CROCC: variants seen among roughly 807,000 people sequenced by gnomAD.
The protein encoded by CROCC is rootletin.
A neutral mutation model predicts 245.2 loss-of-function variants in CROCC; 180 were observed. That is an observed-to-expected ratio of 0.73 (90% CI 0.65 to 0.83). The LOEUF (loss-of-function observed/expected upper bound fraction) is 0.83, where lower values mean the gene tolerates loss of function less well. Ranked by LOEUF, CROCC falls within the 40% of genes least tolerant of loss-of-function variation. The pLI is 0.00. For synonymous variants in CROCC, 1,205 were observed against 1,241.6 expected (o/e 0.97, Z 0.62); for missense variants, 2,688 against 2,779.4 (o/e 0.97, Z 0.74).
rs781405738 is a variant in CROCC, at chr1:16,922,667, T to C, written c.65T>C (p.Leu22Pro). 4 of 1,606,870 alleles carry C rather than the reference T, an allele frequency of 2.5e-6. No individual in the cohort carries two copies. The highest frequency in any genetic ancestry group is 1.3e-5 in the African/African-American group (1 of 74,908). Reference sequence around the variant, plus strand: ...ACCCTCTCGCTTTTCCCACAGACACTGGAGAGCAGCGTCCTGTGCCAGGAG... The same window carrying C: ...ACCCTCTCGCTTTTCCCACAGACACCGGAGAGCAGCGTCCTGTGCCAGGAG... ...ELTLETVIQT[L>P]ESSVLCQEKG... is the part of the protein sequence containing the mutation. Residue 22 changes from leucine (L) to proline (P), a missense_variant, in exon 2 of 37, where the codon CTG (leucine) becomes CCG (proline). Transcript: ENST00000375541.
Position 16,969,864 on chromosome 1 carries a change from T to TG in CROCC, c.5382dup (p.Arg1795AlafsTer6). The TG allele has an allele frequency of 6.2e-7, 1 of 1,612,176 alleles. No individual in the cohort carries two copies. Among genetic ancestry groups the TG allele is most frequent in the Non-Finnish European group, 8.5e-7 (1 of 1,179,190 alleles). On this transcript the variant is annotated frameshift_variant, in exon 33 of 37. Transcript: ENST00000375541. LOFTEE classifies it high-confidence loss of function. ...TCCCTGGGCGAGCAGGTGCAGACGTTGCGAGGCGAGGTGGCTGACCTGGAA... is the reference window on the plus strand; with the variant it reads ...TCCCTGGGCGAGCAGGTGCAGACGTTGGCGAGGCGAGGTGGCTGACCTGGAA...
rs528054942 is a variant in CROCC at position 16,970,793 on chromosome 1, C to G, written c.5784+26C>G. The G allele has an allele frequency of 2.4e-5, 37 of 1,542,246 alleles. No individual in the cohort carries two copies. In the African/African-American group the frequency reaches 4.4e-4, roughly 18 times the overall value. Reference sequence around the variant, plus strand: ...GTCTGACCCCACCCAGTCCGGGACCCCAACTTCATCCCTAGTATGAGTGCT... The same window carrying G: ...GTCTGACCCCACCCAGTCCGGGACCGCAACTTCATCCCTAGTATGAGTGCT... On this transcript the variant is annotated intron_variant, in intron 35 of 36. Coordinates refer to ENST00000375541, the MANE Select transcript of CROCC (RefSeq NM_014675.5).
intron 8 of CROCC, among the ~76,000 whole-genome samples, chr1:16,935,255 TCA>T (rs377043746): frequency 1.3e-5 from 2 of 152,136 alleles, no homozygotes; most frequent in Admixed American, 6.5e-5. Flanking sequence ...ATAAAGCAGA[TCA>T]CACACACACA....
At chr1:16,918,875 T>C (rs570847129), upstream of CROCC, among the ~76,000 whole-genome samples, 40 of 152,224 alleles carry the variant, frequency 2.6e-4, no homozygotes, top group Non-Finnish European at 4.6e-4. Flanking sequence ...TAGCTGGGAC[T>C]ACAGGCACCC....
At chr1:16,927,699 G>A (rs1475269047) in intron 3 of CROCC, among the ~76,000 whole-genome samples, 6 of 152,394 alleles carry the variant, frequency 3.9e-5, no homozygotes, top group African/African-American at 1.4e-4. Flanking sequence ...ACCAACATCA[G>A]TGCACAGCCT....
chr1:16,948,000 G>C (rs1260079687), intron 17 of CROCC, among the ~76,000 whole-genome samples: 1 of 152,240 alleles, frequency 6.6e-6, no homozygotes, highest in Non-Finnish European at 1.5e-5. Flanking sequence ...CACCACGCCC[G>C]GCTAATTTTT....
In CROCC at chr1:16,961,295, C is replaced by A. The variant is rs542390338; in HGVS notation, c.4405+165C>A. On this transcript the variant is annotated intron_variant, in intron 27 of 36. Transcript: ENST00000375541. ...TCTTAGCCCCGTCCCCTCACCGAGA[C>A]CCCTCCCTTCACTGATCTGTGCTTC... is the stretch of plus-strand genomic sequence containing the variant. 1.0e-3 allele frequency among the ~76,000 whole-genome samples: 155 copies of A among 152,190 alleles called. 1 individual carries two copies. The highest frequency in any genetic ancestry group is 1.8e-3 in the Non-Finnish European group (124 of 68,002).
chr1:16,936,795 G>A lies in CROCC; in HGVS notation c.1115G>A (p.Arg372Gln), dbSNP rs57442576. ...LLQAQLEEQLRDKVLREKDLA... is the reference protein window; with the variant it reads ...LLQAQLEEQLQDKVLREKDLA... ...CAGGCCCAGCTGGAGGAGCAGCTGCGGGACAAGGTGCTCCGCGAGAAGGAC... is the reference window on the plus strand; with the variant it reads ...CAGGCCCAGCTGGAGGAGCAGCTGCAGGACAAGGTGCTCCGCGAGAAGGAC... Residue 372 changes from arginine to glutamine, a missense_variant, in exon 9 of 37, where the codon CGG (arginine) becomes CAG (glutamine). Around this residue, in one of 9 missense-constraint regions of CROCC, gnomAD observed 972 missense variants for 895.3 expected, o/e 1.09. Coordinates refer to ENST00000375541, the MANE Select transcript of CROCC (RefSeq NM_014675.5). The A allele has an allele frequency of 0.091, 145,007 of 1,592,160 alleles. 1,469 individuals carry two copies. Among genetic ancestry groups the A allele is most frequent in the African/African-American group, 0.15 (10,888 of 72,994 alleles).
Position 16,955,455 on chromosome 1 carries a change from C to T in CROCC, c.3609C>T (p.Arg1203=), listed in dbSNP as rs1249124827. 2.5e-6 allele frequency: 4 copies of T among 1,592,414 alleles called. No individual in the cohort carries two copies. Among genetic ancestry groups the T allele is most frequent in the Non-Finnish European group, 8.5e-7 (1 of 1,172,598 alleles). Reference sequence around the variant, plus strand: ...GCCAGGAGGCAGGCGAGCTGCGACGCAGCCTGGGCGAGGGTGCCAAGGAGC... The same window carrying T: ...GCCAGGAGGCAGGCGAGCTGCGACGTAGCCTGGGCGAGGGTGCCAAGGAGC... The part of the protein sequence containing the change: ...VQRQEAGELR[R]SLGEGAKERE... The change falls in exon 24 of 37, where the codon CGC becomes CGT. Residue 1203 remains arginine, a synonymous_variant. Transcript: ENST00000375541.
At chr1:16,961,548 G>A (rs529106980) in intron 27 of CROCC, among the ~76,000 whole-genome samples, 1 of 152,084 alleles carries the variant, frequency 6.6e-6, no homozygotes, top group East Asian at 1.9e-4. Context: ...GGGATTAGAG[G>A]CATGAGCCAC....
chr1:16,957,488 G>A (rs2076266380), intron 25 of CROCC, among the ~76,000 whole-genome samples: 1 of 152,042 alleles, frequency 6.6e-6, no homozygotes, highest in Non-Finnish European at 1.5e-5. Context: ...TGTTGCCCAG[G>A]CTGGAGTGCA....
intron 19 of CROCC, among the ~76,000 whole-genome samples, chr1:16,950,360 G>T (rs2076138410): frequency 6.8e-6 from 1 of 146,512 alleles, no homozygotes; most frequent in African/African-American, 2.5e-5. Context: ...ACTGCGCCCG[G>T]CCTATTTGTT....
upstream of CROCC, among the ~76,000 whole-genome samples, chr1:16,921,669 G>A (rs111471411): frequency 2.6e-5 from 4 of 152,394 alleles, no homozygotes; most frequent in African/African-American, 9.6e-5. Flanking sequence ...AACCTGCGCA[G>A]GGTGAAGAGT....
rs934001178 is a variant in CROCC at position 16,968,290 on chromosome 1, C to T, written c.4948C>T (p.Arg1650Cys). 4 of 1,554,666 alleles carry T rather than the reference C, an allele frequency of 2.6e-6. No individual in the cohort carries two copies. The highest frequency in any genetic ancestry group is 3.5e-6 in the Non-Finnish European group (4 of 1,150,138). The change falls in exon 31 of 37, where the codon CGC (arginine) becomes TGC (cysteine). Residue 1650 changes from arginine (R) to cysteine (C), a missense_variant. Physicochemically the swap from Arg to Cys is radical, Grantham distance 180. Around this residue, in one of 9 missense-constraint regions of CROCC, gnomAD observed 1,218 missense variants for 1,286.3 expected, o/e 0.95. Coordinates refer to ENST00000375541, the MANE Select transcript of CROCC (RefSeq NM_014675.5). ...LKEVLDASES[R>C]TVKLELQRRS... ...GGAGGTTCTGGACGCCTCCGAGAGC[C>T]GCACTGTCAAGCTGGAGCTGCAGCG...
At chr1:16,914,805 G>A (rs1274726615) in intron 1 of CROCC, among the ~76,000 whole-genome samples, 1 of 152,280 alleles carries the variant, frequency 6.6e-6, no homozygotes, top group Admixed American at 6.5e-5. Context: ...TGGGGCGGAT[G>A]TCTGCCCCTC....
chr1:16,959,653 G>A (rs1055273924), intron 26 of CROCC, among the ~76,000 whole-genome samples: 7 of 152,216 alleles, frequency 4.6e-5, no homozygotes, highest in Non-Finnish European at 8.8e-5. Context: ...GTGGCTTTGT[G>A]TCTGTGTGAC....
chr1:16,969,286 C>G lies in CROCC; in HGVS notation c.5247C>G (p.Asn1749Lys), dbSNP rs766447623. 1.2e-6 allele frequency: 2 copies of G among 1,613,024 alleles called. No homozygotes were observed. The highest frequency in any genetic ancestry group is 2.2e-5 in the South Asian group (2 of 90,984). ...GCCTCAACAGCACCCGGGACAAGAA[C>G]CTGCATCTGCAGAAGGCTCTGACCG... ...SASLNSTRDKNLHLQKALTAC... is the reference protein window; with the variant it reads ...SASLNSTRDKKLHLQKALTAC... The change falls in exon 32 of 37, where the codon AAC (asparagine) becomes AAG (lysine). Residue 1749 changes from asparagine to lysine, a missense_variant. Physicochemically the swap from Asn to Lys is moderately conservative, Grantham distance 94. Transcript: ENST00000375541.
intron 1 of CROCC, among the ~76,000 whole-genome samples, chr1:16,916,905 G>T (rs1021337137): frequency 2.0e-5 from 3 of 152,280 alleles, no homozygotes; most frequent in Non-Finnish European, 2.9e-5. Context: ...ATCACTTGAG[G>T]TCAGGAGTTT....
intron 8 of CROCC, among the ~76,000 whole-genome samples, chr1:16,936,281 A>G (rs1570620530): frequency 6.6e-6 from 1 of 152,244 alleles, no homozygotes; most frequent in South Asian, 2.1e-4. Flanking sequence ...TTTATTATTT[A>G]TTTTGAGACA....
Sources: gnomAD v4.1 joint callset for allele counts (sites outside exome capture counted in the v4.1 genomes callset) on GRCh38, gnomAD v4.1.1 for gene constraint, gnomAD v4.1.1 regional missense constraint, MANE v1.5 for transcripts, NCBI Gene and HGNC (gene_info 2026-07-23, HGNC 2026-07-21) for gene names.